PARPBP: variants seen among roughly 807,000 people sequenced by gnomAD.
PARPBP encodes the protein PCNA-interacting partner.
A neutral mutation model predicts 50.0 loss-of-function variants in PARPBP; 52 were observed. That is an observed-to-expected ratio of 1.04 (90% CI 0.83 to 1.31). The LOEUF (loss-of-function observed/expected upper bound fraction) is 1.31, where lower values mean the gene tolerates loss of function less well. PARPBP is among the 50% of genes most tolerant of loss of function. The pLI, the probability that PARPBP is intolerant of heterozygous loss-of-function variation, is 0.00. For synonymous variants in PARPBP, 244 were observed against 232.1 expected (o/e 1.05, Z -0.47); for missense variants, 697 against 672.0 (o/e 1.04, Z -0.41).
chr12:102,141,106 G>T (rs1415914568), intron 2 of PARPBP, among the ~76,000 whole-genome samples: 1 of 152,160 alleles, frequency 6.6e-6, no homozygotes, highest in Non-Finnish European at 1.5e-5. Context: ...CATTATTACT[G>T]TGTGGGAGTC....
At chr12:102,191,283 C>T (rs1388303006) in intron 9 of PARPBP, among the ~76,000 whole-genome samples, 1 of 152,086 alleles carries the variant, frequency 6.6e-6, no homozygotes, top group Non-Finnish European at 1.5e-5. Flanking sequence ...GATAATGCTA[C>T]TACTTAGGTC....
chr12:102,135,783 T>C (rs1883541600), intron 2 of PARPBP, among the ~76,000 whole-genome samples: 1 of 152,170 alleles, frequency 6.6e-6, no homozygotes, highest in Non-Finnish European at 1.5e-5. Context: ...ACCTGCTGTT[T>C]TTCGAGTACT....
At chr12:102,155,641 C>T (rs975774483) in intron 4 of PARPBP, among the ~76,000 whole-genome samples, 11 of 147,030 alleles carry the variant, frequency 7.5e-5, no homozygotes, top group African/African-American at 1.5e-4. Context: ...CCCAGGCATT[C>T]GAGCAGGAAC....
At chr12:102,164,413 A>AT in intron 4 of PARPBP, 25 bp from the exon 5 acceptor site, 1 of 1,564,596 alleles carries the variant, frequency 6.4e-7, no homozygotes, top group East Asian at 2.2e-5. Context: ...CAATAAAGAA[A>AT]TTAACTGAAT....
At chr12:102,166,470 T>C (rs965157063) in intron 6 of PARPBP, among the ~76,000 whole-genome samples, 1 of 152,136 alleles carries the variant, frequency 6.6e-6, no homozygotes, top group Non-Finnish European at 1.5e-5. Context: ...CATTGTCAAT[T>C]TGGTATCCTA....
chr12:102,186,774 A>G (rs1158908659), intron 9 of PARPBP, among the ~76,000 whole-genome samples: 1 of 152,166 alleles, frequency 6.6e-6, no homozygotes, highest in Non-Finnish European at 1.5e-5. Context: ...AGCATATTAT[A>G]TTGAATGTCT....
At chr12:102,136,710 G>A (rs1010249898) in intron 2 of PARPBP, among the ~76,000 whole-genome samples, 1 of 152,122 alleles carries the variant, frequency 6.6e-6, no homozygotes, top group African/African-American at 2.4e-5. Flanking sequence ...GGTGTGGTAG[G>A]TTGCAGTTCA....
intron 2 of PARPBP, among the ~76,000 whole-genome samples, chr12:102,137,640 G>T (rs1304409656): frequency 6.6e-6 from 1 of 151,896 alleles, no homozygotes; most frequent in Non-Finnish European, 1.5e-5. Flanking sequence ...ATCTCCTAAT[G>T]CTATCCCTCC....
intron 2 of PARPBP, among the ~76,000 whole-genome samples, chr12:102,134,790 C>T (rs1462485116): frequency 6.6e-6 from 1 of 151,994 alleles, no homozygotes; most frequent in East Asian, 1.9e-4. Flanking sequence ...GTGATTTTTA[C>T]CTCAGCCTCC....
intron 2 of PARPBP, among the ~76,000 whole-genome samples, chr12:102,136,928 G>A (rs568119822): frequency 1.3e-5 from 2 of 151,734 alleles, no homozygotes; most frequent in Non-Finnish European, 2.9e-5. Context: ...TTCTCTTTTG[G>A]TTTTTGTTTT....
intron 4 of PARPBP, among the ~76,000 whole-genome samples, chr12:102,155,736 C>T (rs371885680): frequency 9.2e-5 from 14 of 152,208 alleles, no homozygotes; most frequent in Middle Eastern, 3.4e-3. Context: ...TCTTCTGGTC[C>T]GTGTTTGTTA....
intron 6 of PARPBP, 38 bp downstream of exon 6, chr12:102,165,921 C>A: frequency 7.6e-7 from 1 of 1,320,788 alleles, no homozygotes; most frequent in Non-Finnish European, 1.1e-6. Context: ...TGTTTTTAAT[C>A]TATCTTTAAA....
chr12:102,175,735 G>T, intron 7 of PARPBP, 69 bp downstream of exon 7: 2 of 980,232 alleles, frequency 2.0e-6, no homozygotes, highest in Non-Finnish European at 1.5e-6. Flanking sequence ...TTGTAGAAAT[G>T]GTTTATTATT....
chr12:102,171,211 A>C (rs1366000250), intron 6 of PARPBP, among the ~76,000 whole-genome samples: 1 of 151,968 alleles, frequency 6.6e-6, no homozygotes, highest in Non-Finnish European at 1.5e-5. Flanking sequence ...GGTATAGCAA[A>C]CACATAAACC....
intron 2 of PARPBP, 119 bp from the exon 3 acceptor site, chr12:102,148,111 A>G (rs1594511339): frequency 7.8e-6 from 4 of 514,996 alleles, no homozygotes; most frequent in South Asian, 3.3e-5. Flanking sequence ...CTTCAAACCC[A>G]CAAAAATTGA....
At chr12:102,135,628 A>C (rs923800042) in intron 2 of PARPBP, among the ~76,000 whole-genome samples, 1 of 151,892 alleles carries the variant, frequency 6.6e-6, no homozygotes. Flanking sequence ...AGATTAGTTT[A>C]ATAAGGTTTG....
In PARPBP at chr12:102,162,204, A is replaced by G. The variant is rs374187752; in HGVS notation, c.496-2234A>G. 1.3e-4 allele frequency among the ~76,000 whole-genome samples: 20 copies of G among 152,216 alleles called. 1 individual carries two copies. The highest frequency in any genetic ancestry group is 2.0e-4 in the Admixed American group (3 of 15,284). On this transcript the variant is annotated intron_variant, in intron 4 of 10. Coordinates refer to ENST00000327680, the MANE Select transcript of PARPBP (RefSeq NM_017915.5). ...ATTGCTGCCTTTTTTAGTTTCTTTT[A>G]TGCTTCAAAAATTTAACATGTGATT...
chr12:102,158,120 C>CA (rs55962862), intron 4 of PARPBP, among the ~76,000 whole-genome samples: 10,907 of 47,060 alleles, frequency 0.23, 1,266 homozygotes, highest in Non-Finnish European at 0.26. Flanking sequence ...GACTCCATCT[C>CA]AAAAAAAAAA....
chr12:102,173,403 AAAAG>A (rs1438737088), intron 6 of PARPBP, among the ~76,000 whole-genome samples: 2 of 152,330 alleles, frequency 1.3e-5, no homozygotes, highest in East Asian at 3.9e-4. Context: ...TAGTAAGACA[AAAAG>A]AAATAGGAGA....
Sources: allele counts gnomAD v4.1 joint callset (sites outside exome capture counted in the v4.1 genomes callset), GRCh38; gene constraint gnomAD v4.1.1; transcripts MANE v1.5; gene names NCBI Gene and HGNC (gene_info 2026-07-23, HGNC 2026-07-21).